GSE1: variants seen among roughly 807,000 people sequenced by gnomAD.
The protein encoded by GSE1 is Gse1 coiled-coil protein.
In GSE1, 32 loss-of-function variants were observed where a neutral mutation model predicts 112.6. The observed-to-expected ratio is 0.28, with a 90% CI of 0.21 to 0.38. The LOEUF is 0.38. Among genes scored for constraint, GSE1 ranks in the 10% least tolerant of loss-of-function variants. The pLI, the probability that GSE1 is intolerant of heterozygous loss-of-function variation, is 1.00. For synonymous variants in GSE1, 1,115 were observed against 735.6 expected (o/e 1.52, Z -8.35); for missense variants, 2,348 against 1,699.2 (o/e 1.38, Z -6.71).
In GSE1 at chr16:85,654,827, C is replaced by T. The variant is rs745477969; in HGVS notation, c.633C>T (p.Pro211=). 6 of 1,612,018 alleles carry T rather than the reference C, an allele frequency of 3.7e-6. No individual in the cohort carries two copies. In the South Asian group the frequency reaches 5.5e-5, roughly 15 times the overall value. The change falls in exon 5 of 16, where the codon CCC becomes CCT. Residue 211 remains proline (P), a synonymous_variant. Coordinates refer to ENST00000253458, the MANE Select transcript of GSE1 (RefSeq NM_014615.5). ...LQRPVHHVVP[P]STVTEDYLRS... is the part of the protein sequence containing the mutation. ...GGCCCGTGCACCACGTGGTGCCCCCCAGTACCGTGACCGAGGACTACCTGA... is the reference window on the plus strand; with the variant it reads ...GGCCCGTGCACCACGTGGTGCCCCCTAGTACCGTGACCGAGGACTACCTGA...
At chr16:85,465,065 C>T (rs2050086385) in intron 2 of GSE1, among the ~76,000 whole-genome samples, 1 of 152,176 alleles carries the variant, frequency 6.6e-6, no homozygotes, top group South Asian at 2.1e-4. Flanking sequence ...CTGGGCAGTC[C>T]CACTCAGGGT....
At chr16:85,594,123 G>A (rs557692741) in intron 1 of GSE1, 1 of 151,884 alleles carries the variant, frequency 6.6e-6, no homozygotes, top group East Asian at 1.9e-4. Flanking sequence ...AGGAGGAGGG[G>A]GACCAGCCAG....
At chr16:85,587,977 G>A (rs1280777992) in intron 1 of GSE1, among the ~76,000 whole-genome samples, 1 of 152,132 alleles carries the variant, frequency 6.6e-6, no homozygotes, top group South Asian at 2.1e-4. Flanking sequence ...GGATGCCCTC[G>A]GTCATCGTAA....
At chr16:85,466,921 G>T (rs918151323) in intron 2 of GSE1, among the ~76,000 whole-genome samples, 2 of 152,210 alleles carry the variant, frequency 1.3e-5, no homozygotes, top group Admixed American at 1.3e-4. Context: ...TTAGCCAGGC[G>T]TGGTGGCAGG....
intron 1 of GSE1, among the ~76,000 whole-genome samples, chr16:85,628,798 A>T (rs1362317050): frequency 6.6e-6 from 1 of 152,202 alleles, no homozygotes; most frequent in African/African-American, 2.4e-5. Context: ...TGCCATCTGA[A>T]GACACTGCCA....
intron 2 of GSE1, among the ~76,000 whole-genome samples, chr16:85,462,805 G>T (rs1465374635): frequency 7.6e-5 from 11 of 145,368 alleles, no homozygotes; most frequent in South Asian, 6.3e-4. Context: ...TGAAGCCGGG[G>T]GCGCGGGGCC....
chr16:85,388,023 G>A (rs1266632537), intron 2 of GSE1, among the ~76,000 whole-genome samples: 174 of 126,668 alleles, frequency 1.4e-3, no homozygotes, highest in Non-Finnish European at 2.1e-3. Context: ...TGGATGGATG[G>A]ATGGATGGAT....
At chr16:85,449,418 G>A (rs1363131749) in intron 2 of GSE1, among the ~76,000 whole-genome samples, 6 of 152,278 alleles carry the variant, frequency 3.9e-5, no homozygotes, top group Non-Finnish European at 7.3e-5. Flanking sequence ...CCGCATGGGG[G>A]GCGGGGAAGA....
intron 2 of GSE1, among the ~76,000 whole-genome samples, chr16:85,414,254 T>C (rs1010862197): frequency 2.0e-5 from 3 of 152,180 alleles, no homozygotes; most frequent in African/African-American, 7.2e-5. Flanking sequence ...ATCAGATACT[T>C]TCACGTGCTG....
chr16:85,514,191 C>T (rs185626610), intron 2 of GSE1, among the ~76,000 whole-genome samples: 56 of 148,994 alleles, frequency 3.8e-4, no homozygotes, highest in African/African-American at 1.4e-3. Context: ...CCCCCCTCCC[C>T]TCTCTTCCTC....
chr16:85,578,147 G>A (rs2046304670), intron 1 of GSE1, among the ~76,000 whole-genome samples: 1 of 152,236 alleles, frequency 6.6e-6, no homozygotes, highest in Admixed American at 6.5e-5. Flanking sequence ...GAGGAGATTG[G>A]CAGGGCCTCT....
Position 85,661,084 on chromosome 16 carries a change from G to C in GSE1, c.1641-62G>C, listed in dbSNP as rs577566919. On this transcript the variant is annotated intron_variant, in intron 8 of 15. Transcript: ENST00000253458. ...ATCTTAGGAGCGGCAGGCAGCCAGG[G>C]AAGCCTGTGGATGACTGAAGGGTCT... The C allele has an allele frequency of 6.7e-5, 99 of 1,477,560 alleles. 1 individual carries two copies. The highest frequency in any genetic ancestry group is 8.8e-5 in the Non-Finnish European group (97 of 1,100,878). 91.5% of individuals were successfully genotyped at this position (1,477,560 alleles called of 1,614,324 possible).
intron 1 of GSE1, among the ~76,000 whole-genome samples, chr16:85,620,395 G>A (rs868490755): frequency 2.6e-5 from 4 of 152,224 alleles, no homozygotes; most frequent in East Asian, 3.8e-4. Flanking sequence ...GTGTATTTTT[G>A]TAATGTTTTT....
rs1159184888 is a variant in GSE1 at position 85,656,662 on chromosome 16, G to A, written c.1309G>A (p.Ala437Thr). ...KPSEQLTPTR[A>T]EKLKDAGLQA... is the part of the protein sequence containing the mutation. ...CTCGGAGCAGCTGACCCCAACCCGA[G>A]CAGGTACCTGGGCGTGGGTGGGCTG... Residue 437 changes from alanine to threonine, a missense_variant, in exon 7 of 16, where the codon GCA becomes ACA. Transcript: ENST00000253458. 7.9e-6 allele frequency: 12 copies of A among 1,512,854 alleles called. No homozygotes were observed. The highest frequency in any genetic ancestry group is 1.3e-5 in the South Asian group (1 of 79,918). 93.7% of individuals were successfully genotyped at this position (1,512,854 alleles called of 1,614,324 possible).
At chr16:85,169,551 C>A in exon 1 of GSE1, 1 of 973,674 alleles carries the variant, frequency 1.0e-6, no homozygotes, top group Non-Finnish European at 1.2e-6. Flanking sequence ...CCCCGGTCTC[C>A]CGCAAGCAGC....
intron 1 of GSE1, among the ~76,000 whole-genome samples, chr16:85,275,655 G>A (rs868154220): frequency 5.9e-5 from 9 of 152,228 alleles, no homozygotes; most frequent in Non-Finnish European, 8.8e-5. Flanking sequence ...GGTCCTAGAC[G>A]TGGGGAGGCA....
chr16:85,579,612 AC>A (rs1309379961), intron 1 of GSE1, among the ~76,000 whole-genome samples: 2 of 152,124 alleles, frequency 1.3e-5, no homozygotes, highest in Admixed American at 1.3e-4. Flanking sequence ...CCCCAGACCT[AC>A]GCCTGGGAGA....
intron 1 of GSE1, among the ~76,000 whole-genome samples, chr16:85,602,372 G>A (rs1256940506): frequency 6.6e-6 from 1 of 152,214 alleles, no homozygotes; most frequent in Admixed American, 6.5e-5. Flanking sequence ...TAGAAAATCA[G>A]GGAACAGGGA....
intron 2 of GSE1, among the ~76,000 whole-genome samples, chr16:85,361,034 C>T (rs1288300013): frequency 6.6e-6 from 1 of 152,036 alleles, no homozygotes; most frequent in Non-Finnish European, 1.5e-5. Context: ...AGCACAGACT[C>T]ACATACACAT....
Sources: gnomAD v4.1 joint callset for allele counts (sites outside exome capture counted in the v4.1 genomes callset) on GRCh38, gnomAD v4.1.1 for gene constraint, MANE v1.5 for transcripts, NCBI Gene and HGNC (gene_info 2026-07-23, HGNC 2026-07-21) for gene names.